Variants in ERMP1 observed in about 807,000 individuals in gnomAD.
The protein encoded by ERMP1 is endoplasmic reticulum metallopeptidase 1.
A neutral mutation model predicts 92.0 loss-of-function variants in ERMP1; 86 were observed. The ratio of observed to expected loss-of-function variants is 0.93; its 90% confidence interval spans 0.79 to 1.12. The LOEUF (loss-of-function observed/expected upper bound fraction) is 1.12, where lower values mean the gene tolerates loss of function less well. Among genes scored for constraint, ERMP1 ranks in the 50% most tolerant of loss-of-function variants. The pLI, the probability that ERMP1 is intolerant of heterozygous loss-of-function variation, is 0.00. For synonymous variants in ERMP1, 530 were observed against 412.8 expected (o/e 1.28, Z -3.44); for missense variants, 1,342 against 1,116.3 (o/e 1.20, Z -2.88).
chr9:5,858,150 C>A (rs1335432082), intron 6 of ERMP1, among the ~76,000 whole-genome samples: 2 of 152,116 alleles, frequency 1.3e-5, no homozygotes, highest in African/African-American at 4.8e-5. Flanking sequence ...TGAGCATGGC[C>A]ACAGAATAGT....
chr9:5,851,278 A>G (rs1586840145), intron 6 of ERMP1, among the ~76,000 whole-genome samples: 1 of 152,228 alleles, frequency 6.6e-6, no homozygotes, highest in East Asian at 1.9e-4. Context: ...TACATTTGCT[A>G]TACCTTATTT....
At chr9:5,828,107 T>C (rs549188369) in intron 2 of ERMP1, among the ~76,000 whole-genome samples, 114 of 152,352 alleles carry the variant, frequency 7.5e-4, no homozygotes, top group Non-Finnish European at 1.1e-3. Flanking sequence ...AAGACCAGCC[T>C]GGGCAACAAA....
chr9:5,806,038 T>G (rs1214819846), intron 8 of ERMP1, among the ~76,000 whole-genome samples: 1 of 152,228 alleles, frequency 6.6e-6, no homozygotes, highest in Admixed American at 6.5e-5. Flanking sequence ...TATGCTTTTC[T>G]TCTACTAGGC....
At chr9:5,824,145 A>T in intron 3 of ERMP1, 144 bp from the exon 4 acceptor site, 1 of 653,898 alleles carries the variant, frequency 1.5e-6, no homozygotes, top group Non-Finnish European at 2.6e-6. Context: ...GTATCCAAAG[A>T]CATCTTCTGC....
At chr9:5,826,853 G>C (rs551224773) in intron 2 of ERMP1, among the ~76,000 whole-genome samples, 1 of 151,984 alleles carries the variant, frequency 6.6e-6, no homozygotes, top group African/African-American at 2.4e-5. Flanking sequence ...ATCTATACAG[G>C]GTTGATTAAA....
chr9:5,836,745 T>A (rs1328968719), upstream of ERMP1, among the ~76,000 whole-genome samples: 1 of 152,152 alleles, frequency 6.6e-6, no homozygotes, highest in Non-Finnish European at 1.5e-5. Flanking sequence ...CAGGAACTGG[T>A]GACAATGGTC....
At position 5,785,350 on chromosome 9, in the gene ERMP1, T is replaced by C. The variant is rs1204861185; in HGVS notation, c.*1794A>G. On this transcript the variant is annotated 3_prime_UTR_variant, in exon 15 of 15. Transcript: ENST00000339450. ...ATTTTTAAAATTCATTGAGAAATTA[T>C]TACTTTTTCTCCACAACTGTGATTC... is the stretch of plus-strand genomic sequence containing the variant. 2.0e-5 allele frequency: 3 copies of C among 152,340 alleles called. No homozygotes were observed. The highest frequency in any genetic ancestry group is 4.4e-5 in the Non-Finnish European group (3 of 68,038). 9.4% of individuals were successfully genotyped at this position (152,340 alleles called of 1,614,324 possible). A position where few individuals can be genotyped will look rare whatever the true frequency, so the allele number is the denominator to read the frequency against.
chr9:5,839,511 G>A (rs556318034), intron 6 of ERMP1, among the ~76,000 whole-genome samples: 3 of 152,338 alleles, frequency 2.0e-5, no homozygotes, highest in African/African-American at 7.2e-5. Flanking sequence ...ACTGACTCAT[G>A]TGAATTTGCT....
In ERMP1 at chr9:5,858,347, C is replaced by T. The variant is rs192682548; in HGVS notation, n.3199+1121G>A. Among the ~76,000 whole-genome samples the T allele has an allele frequency of 2.4e-4, 37 of 152,302 alleles. 1 individual carries two copies. The highest frequency in any genetic ancestry group is 2.4e-3 in the Admixed American group (37 of 15,302). On this transcript the variant is annotated intron_variant and non_coding_transcript_variant, in intron 6 of 6. Coordinates refer to the ERMP1 transcript ENST00000690753. ...GGGACAGGTTAAAGCACTGCATGAGCTCACAGGAGGGTAAGACCATGTTGA... is the reference window on the plus strand; with the variant it reads ...GGGACAGGTTAAAGCACTGCATGAGTTCACAGGAGGGTAAGACCATGTTGA...
At chr9:5,866,109 G>A (rs193126468) in intron 5 of ERMP1, among the ~76,000 whole-genome samples, 3 of 152,144 alleles carry the variant, frequency 2.0e-5, no homozygotes, top group Non-Finnish European at 4.4e-5. Context: ...ATGAATAAAA[G>A]CAGATTTTAA....
chr9:5,795,786 A>G (rs182248933), intron 13 of ERMP1, among the ~76,000 whole-genome samples: 1 of 152,266 alleles, frequency 6.6e-6, no homozygotes, highest in African/African-American at 2.4e-5. Context: ...AAAAAAGAAA[A>G]AGAAAAAGAA....
At chr9:5,833,981 T>G (rs945504589), upstream of ERMP1, among the ~76,000 whole-genome samples, 5 of 152,116 alleles carry the variant, frequency 3.3e-5, no homozygotes, top group African/African-American at 1.2e-4. Context: ...TAGCTTGGAG[T>G]TGCTACATTA....
chr9:5,829,552 T>G (rs1191599626), intron 2 of ERMP1, among the ~76,000 whole-genome samples: 1 of 152,238 alleles, frequency 6.6e-6, no homozygotes. Flanking sequence ...TTACTTATTT[T>G]TAATCCTCCA....
chr9:5,866,771 G>C (rs1221935442), intron 5 of ERMP1, among the ~76,000 whole-genome samples: 2 of 152,220 alleles, frequency 1.3e-5, no homozygotes, highest in Non-Finnish European at 2.9e-5. Context: ...TGGGAAGAGA[G>C]GGTGGGGATG....
intron 2 of ERMP1, among the ~76,000 whole-genome samples, chr9:5,827,994 GTGAA>G (rs1251854218): frequency 6.6e-6 from 1 of 151,040 alleles, no homozygotes; most frequent in Non-Finnish European, 1.5e-5. Context: ...AAATGAATAA[GTGAA>G]TGAATGAATG....
In ERMP1 at chr9:5,787,177, G is replaced by C. The variant is rs1008746160; in HGVS notation, c.2682C>G (p.Ala894=). ...EKFPDWTFPS[A]WVCTYDLFVF Reference sequence around the variant, plus strand: ...CAAAGAGATCGTAGGTGCACACCCAGGCAGAGGGAAATGTCCAATCTGGGA... The same window carrying C: ...CAAAGAGATCGTAGGTGCACACCCACGCAGAGGGAAATGTCCAATCTGGGA... The change falls in exon 15 of 15, where the codon GCC becomes GCG. Residue 894 remains alanine (A), a synonymous_variant. Transcript: ENST00000339450. The C allele has an allele frequency of 6.2e-6, 10 of 1,613,936 alleles. No individual in the cohort carries two copies. In the African/African-American group the frequency reaches 1.1e-4, roughly 17 times the overall value.
chr9:5,843,568 G>C (rs1033597412), intron 6 of ERMP1, among the ~76,000 whole-genome samples: 1 of 152,210 alleles, frequency 6.6e-6, no homozygotes, highest in Non-Finnish European at 1.5e-5. Flanking sequence ...GAATGTATCA[G>C]ATGTAGCTAG....
At chr9:5,836,305 G>C (rs574068360), upstream of ERMP1, among the ~76,000 whole-genome samples, 23 of 152,334 alleles carry the variant, frequency 1.5e-4, no homozygotes, top group African/African-American at 5.1e-4. Flanking sequence ...GAGGCTACCA[G>C]TGTATCTGGT....
intron 13 of ERMP1, among the ~76,000 whole-genome samples, chr9:5,790,391 G>T (rs966534223): frequency 6.6e-6 from 1 of 151,006 alleles, no homozygotes; most frequent in African/African-American, 2.5e-5. Flanking sequence ...AACAAATAAA[G>T]CAACACATGT....
Sources: gnomAD v4.1 joint callset for allele counts (sites outside exome capture counted in the v4.1 genomes callset) on GRCh38, gnomAD v4.1.1 for gene constraint, MANE v1.5 for transcripts, NCBI Gene and HGNC (gene_info 2026-07-23, HGNC 2026-07-21) for gene names.